DCBLD2: variants seen among roughly 807,000 people sequenced by gnomAD.
DCBLD2 encodes discoidin, CUB and LCCL domain-containing protein 2.
A neutral mutation model predicts 86.8 loss-of-function variants in DCBLD2; 54 were observed. That is an observed-to-expected ratio of 0.62 (90% confidence interval 0.50 to 0.78). The LOEUF (loss-of-function observed/expected upper bound fraction) is 0.78, where lower values mean the gene tolerates loss of function less well. Ranked by LOEUF, DCBLD2 falls within the 30% of genes least tolerant of loss-of-function variation. DCBLD2 has a pLI of 0.00. For synonymous variants in DCBLD2, 354 were observed against 341.3 expected (o/e 1.04, Z -0.41); for missense variants, 908 against 954.2 (o/e 0.95, Z 0.64).
At chr3:98,838,664 C>T (rs1942537557) in intron 3 of DCBLD2, among the ~76,000 whole-genome samples, 2 of 152,116 alleles carry the variant, frequency 1.3e-5, no homozygotes, top group Admixed American at 1.3e-4. Flanking sequence ...GCAGAGGCTG[C>T]AATCTCGGCA....
chr3:98,803,310 A>G (rs1941764578), intron 13 of DCBLD2, among the ~76,000 whole-genome samples: 1 of 152,154 alleles, frequency 6.6e-6, no homozygotes, highest in African/African-American at 2.4e-5. Context: ...CTTTGAAGCA[A>G]TTGTGAATGG....
At chr3:98,871,383 C>A (rs1943279944) in intron 2 of DCBLD2, among the ~76,000 whole-genome samples, 1 of 152,090 alleles carries the variant, frequency 6.6e-6, no homozygotes, top group Non-Finnish European at 1.5e-5. Context: ...AGAATGCTTT[C>A]AGTTTTTCCT....
intron 2 of DCBLD2, among the ~76,000 whole-genome samples, chr3:98,879,940 A>C (rs1310601390): frequency 6.6e-6 from 1 of 152,218 alleles, no homozygotes; most frequent in Non-Finnish European, 1.5e-5. Flanking sequence ...TGTTGCTTAA[A>C]GAATGCTCAG....
chr3:98,867,603 C>G lies in DCBLD2; in HGVS notation c.433+13937G>C, dbSNP rs564828193. On this transcript the variant is annotated intron_variant, in intron 2 of 15. Transcript: ENST00000326840. ...ACCAGTGAAAACCTGTAATGATCAA[C>G]TTCAACACATATCCTTAGAAAACTA... 2.0e-5 allele frequency among the ~76,000 whole-genome samples: 3 copies of G among 152,254 alleles called. 1 individual carries two copies. Among genetic ancestry groups the G allele is most frequent in the Admixed American group, 6.5e-5 (1 of 15,288 alleles).
intron 3 of DCBLD2, among the ~76,000 whole-genome samples, chr3:98,839,537 T>C (rs938277876): frequency 4.6e-5 from 7 of 152,200 alleles, no homozygotes; most frequent in Non-Finnish European, 8.8e-5. Flanking sequence ...AGAATAACAG[T>C]GTCCTTTCAT....
chr3:98,818,966 T>C (rs1942069851), intron 8 of DCBLD2, among the ~76,000 whole-genome samples: 1 of 152,182 alleles, frequency 6.6e-6, no homozygotes, highest in Admixed American at 6.5e-5. Flanking sequence ...CCTTTATATA[T>C]ACATCTGTCC....
chr3:98,852,753 C>T (rs545484070), intron 2 of DCBLD2, among the ~76,000 whole-genome samples: 2 of 152,304 alleles, frequency 1.3e-5, no homozygotes, highest in South Asian at 4.2e-4. Flanking sequence ...ATCTATGTAG[C>T]AACTTGCCTA....
chr3:98,887,095 A>C (rs1190497534), intron 1 of DCBLD2, among the ~76,000 whole-genome samples: 1 of 151,980 alleles, frequency 6.6e-6, no homozygotes, highest in Non-Finnish European at 1.5e-5. Context: ...TGTGATTTCC[A>C]AAATTATTTC....
At chr3:98,887,788 T>C (rs1943587683) in intron 1 of DCBLD2, among the ~76,000 whole-genome samples, 1 of 152,060 alleles carries the variant, frequency 6.6e-6, no homozygotes, top group African/African-American at 2.4e-5. Context: ...TTAACATTCC[T>C]GACTAAACTG....
At chr3:98,874,234 T>C (rs1943329276) in intron 2 of DCBLD2, among the ~76,000 whole-genome samples, 2 of 152,232 alleles carry the variant, frequency 1.3e-5, no homozygotes, top group South Asian at 4.1e-4. Flanking sequence ...TATTTCTTTT[T>C]ATTTGTATGT....
chr3:98,831,210 T>TC (rs1041348511), intron 3 of DCBLD2, among the ~76,000 whole-genome samples: 4 of 151,484 alleles, frequency 2.6e-5, no homozygotes, highest in African/African-American at 9.7e-5. Context: ...GAGCTAATTT[T>TC]TTTTTTTTTT....
At chr3:98,876,412 T>TAAAAAAAAAAAAAAAAAAA (rs60681986) in intron 2 of DCBLD2, among the ~76,000 whole-genome samples, 14 of 47,530 alleles carry the variant, frequency 2.9e-4, no homozygotes, top group African/African-American at 8.6e-4. Flanking sequence ...AGATAAAAAG[T>TAAAAAAAAAAAAAAAAAAA]AAAAAAAAAA....
At chr3:98,879,076 A>T (rs1234474859) in intron 2 of DCBLD2, among the ~76,000 whole-genome samples, 1 of 152,142 alleles carries the variant, frequency 6.6e-6, no homozygotes, top group Non-Finnish European at 1.5e-5. Flanking sequence ...ACTATGTATT[A>T]TCTAAATATA....
chr3:98,881,403 A>G (rs2107522289), intron 2 of DCBLD2, 137 bp downstream of exon 2: 1 of 773,066 alleles, frequency 1.3e-6, no homozygotes, highest in Non-Finnish European at 2.1e-6. Flanking sequence ...AAAGATTCAA[A>G]TTCAAAATTT....
chr3:98,901,590 G>A lies in DCBLD2; in HGVS notation c.-264C>T, dbSNP rs1029215952. 6.6e-6 allele frequency: 2 copies of A among 302,912 alleles called. No individual in the cohort carries two copies. Among genetic ancestry groups the A allele is most frequent in the Admixed American group, 5.2e-5 (1 of 19,394 alleles). The allele number at this position is 302,912 out of a possible 1,614,324, so 18.8% of individuals were successfully genotyped here. A position where few individuals can be genotyped will look rare whatever the true frequency, so the allele number is the denominator to read the frequency against. On this transcript the variant is annotated 5_prime_UTR_variant, in exon 1 of 16. Coordinates refer to ENST00000326840, the MANE Select transcript of DCBLD2 (RefSeq NM_080927.4). The stretch of plus-strand genomic sequence containing the variant: ...GAAGCGGAGTCCTCGAGCCGCGGAG[G>A]ACGGCCGCGGCGGAGCTAAGGAACG...
intron 3 of DCBLD2, among the ~76,000 whole-genome samples, chr3:98,833,551 ATC>A (rs1942364134): frequency 6.6e-6 from 1 of 152,148 alleles, no homozygotes; most frequent in Non-Finnish European, 1.5e-5. Flanking sequence ...GTTCTTTCTC[ATC>A]TCTCTGTGTG....
chr3:98,842,028 G>C (rs1054490022), intron 3 of DCBLD2, among the ~76,000 whole-genome samples: 1 of 152,174 alleles, frequency 6.6e-6, no homozygotes, highest in Non-Finnish European at 1.5e-5. Context: ...TCGTGCCACT[G>C]TACTACAGCC....
At chr3:98,864,843 TAAA>T (rs1411742505) in intron 2 of DCBLD2, among the ~76,000 whole-genome samples, 1 of 151,910 alleles carries the variant, frequency 6.6e-6, no homozygotes, top group Non-Finnish European at 1.5e-5. Context: ...TCCTAGAACT[TAAA>T]TAATAATAAA....
intron 1 of DCBLD2, among the ~76,000 whole-genome samples, chr3:98,882,061 C>A (rs1943481287): frequency 6.6e-6 from 1 of 152,016 alleles, no homozygotes; most frequent in African/African-American, 2.4e-5. Context: ...CTATAGCCAT[C>A]CTGCAGTGGT....
Sources: gnomAD v4.1 joint callset for allele counts (sites outside exome capture counted in the v4.1 genomes callset) on GRCh38, gnomAD v4.1.1 for gene constraint, MANE v1.5 for transcripts, NCBI Gene and HGNC (gene_info 2026-07-23, HGNC 2026-07-21) for gene names.